Variants in KCNQ1 observed in about 807,000 individuals in gnomAD.
KCNQ1 encodes potassium voltage-gated channel subfamily Q member 1, also known as potassium voltage-gated channel subfamily KQT member 1.
A neutral mutation model predicts 72.4 loss-of-function variants in KCNQ1; 49 were observed. That is an observed-to-expected ratio of 0.68 (90% CI 0.54 to 0.86). The LOEUF (loss-of-function observed/expected upper bound fraction) is 0.86, where lower values mean the gene tolerates loss of function less well. KCNQ1 is among the 40% of genes least tolerant of loss of function. KCNQ1 has a pLI of 0.00. For missense variants in KCNQ1, 790 were observed against 945.1 expected, an observed-to-expected ratio of 0.84 and a Z score of 2.15; for synonymous variants, 450 against 412.6, an observed-to-expected ratio of 1.09 and a Z score of -1.10.
intron 2 of KCNQ1, among the ~76,000 whole-genome samples, chr11:2,533,642 A>C (rs958685457): frequency 2.0e-5 from 3 of 152,202 alleles, no homozygotes. Context: ...CGTGTGTCTG[A>C]CGTGTGTGTG....
intron 15 of KCNQ1, among the ~76,000 whole-genome samples, chr11:2,797,275 C>A (rs1847157075): frequency 6.6e-6 from 1 of 152,322 alleles, no homozygotes; most frequent in Admixed American, 6.5e-5. Flanking sequence ...CCAGAGACAG[C>A]CAGCCAGGAA....
In KCNQ1 at chr11:2,620,210, TA is replaced by T. The variant is rs1436044990; in HGVS notation, c.1393+31357del. The T allele has an allele frequency of 1.5e-3, 453 of 300,308 alleles. 2 individuals are homozygous for T. The highest frequency in any genetic ancestry group is 2.4e-3 in the South Asian group (14 of 5,832). The allele number at this position is 300,308 out of a possible 1,614,324, so 18.6% of individuals were successfully genotyped here. ...GTAAGTTCATTCATGTATATATATATATTTTTTTTTTTTATTTTTTTTTTAG... is the reference window on the plus strand; with the variant it reads ...GTAAGTTCATTCATGTATATATATATTTTTTTTTTTTTATTTTTTTTTTAG... On this transcript the variant is annotated intron_variant, in intron 10 of 15. Coordinates refer to ENST00000155840, the MANE Select transcript of KCNQ1 (RefSeq NM_000218.3). This position sits in a 1 kb window ranked among gnomAD's most constrained non-coding sequence, Gnocchi z 4.5.
At chr11:2,618,236 G>T (rs563743131) in intron 10 of KCNQ1, 1 of 398,374 alleles carries the variant, frequency 2.5e-6, no homozygotes, top group African/African-American at 2.1e-5. Context: ...TTGGCTTCCC[G>T]GGGCCACACT....
chr11:2,627,478 A>G lies in KCNQ1; in HGVS notation c.1394-34483A>G, dbSNP rs1023723996. ...TTTCCCCTACTCCCTGACCCCTAGTAACCACCCTTCTACTCTCCGTTTCTC... is the reference window on the plus strand; with the variant it reads ...TTTCCCCTACTCCCTGACCCCTAGTGACCACCCTTCTACTCTCCGTTTCTC... On this transcript the variant is annotated intron_variant, in intron 10 of 15. Transcript: ENST00000155840. The surrounding 1 kb of genome is among the most constrained non-coding windows in gnomAD (Gnocchi z 4.9). The G allele has an allele frequency of 7.5e-6, 3 of 398,410 alleles. No individual in the cohort carries two copies. The highest frequency in any genetic ancestry group is 1.3e-5 in the Non-Finnish European group (3 of 226,056). 24.7% of individuals were successfully genotyped at this position (398,410 alleles called of 1,614,324 possible). A position where few individuals can be genotyped will look rare whatever the true frequency, so the allele number is the denominator to read the frequency against.
At chr11:2,835,220 G>A (rs540206321) in intron 15 of KCNQ1, among the ~76,000 whole-genome samples, 59 of 152,218 alleles carry the variant, frequency 3.9e-4, no homozygotes, top group Non-Finnish European at 7.4e-4. Context: ...GCACCTGGAG[G>A]GTGGGCAGGG....
chr11:2,813,154 C>A lies in KCNQ1; in HGVS notation c.1795-34613C>A, dbSNP rs1847527719. Among the ~76,000 whole-genome samples the A allele has an allele frequency of 6.6e-6, 1 of 152,218 alleles. No homozygotes were observed. Among genetic ancestry groups the A allele is most frequent in the Non-Finnish European group, 1.5e-5 (1 of 68,036 alleles). ...AGGAAGAACCCGACAGACTGTGAGC[C>A]CTGTCTTCCTCTTGGCACCATGAGT... On this transcript the variant is annotated intron_variant, in intron 15 of 15. Coordinates refer to ENST00000155840, the MANE Select transcript of KCNQ1 (RefSeq NM_000218.3). The surrounding 1 kb of genome is among the most constrained non-coding windows in gnomAD (Gnocchi z 4.4).
Position 2,541,801 on chromosome 11 carries a change from T to G in KCNQ1, c.477+13783T>G, listed in dbSNP as rs529075591. Among the ~76,000 whole-genome samples, 40 of 152,192 alleles carry G rather than the reference T, an allele frequency of 2.6e-4. No individual in the cohort carries two copies. Among genetic ancestry groups the G allele is most frequent in the African/African-American group, 8.2e-4 (34 of 41,520 alleles). On this transcript the variant is annotated intron_variant, in intron 2 of 15. Transcript: ENST00000155840. This position sits in a 1 kb window ranked among gnomAD's most constrained non-coding sequence, Gnocchi z 4.8. ...CTCATCCCGGGAGTTTGTAAGAATT[T>G]GTAGTTTCTCCCCAGAGTTCATGGA...
rs980525342 is a variant in KCNQ1 at position 2,648,771 on chromosome 11, C to T, written c.1394-13190C>T. On this transcript the variant is annotated intron_variant, in intron 10 of 15. Coordinates refer to ENST00000155840, the MANE Select transcript of KCNQ1 (RefSeq NM_000218.3). ...TAATATTTCCTTGTTGATATTTTTCCATCCAAATGAATTGTCCAATGCTGA... is the reference window on the plus strand; with the variant it reads ...TAATATTTCCTTGTTGATATTTTTCTATCCAAATGAATTGTCCAATGCTGA... The T allele has an allele frequency of 7.5e-6, 3 of 398,414 alleles. No individual in the cohort carries two copies. In the East Asian group the frequency reaches 1.1e-4, roughly 14 times the overall value. 24.7% of individuals were successfully genotyped at this position (398,414 alleles called of 1,614,324 possible). A position where few individuals can be genotyped will look rare whatever the true frequency, so the allele number is the denominator to read the frequency against.
At chr11:2,686,366 C>T (rs1449322687) in intron 11 of KCNQ1, 1 of 398,582 alleles carries the variant, frequency 2.5e-6, no homozygotes, top group African/African-American at 2.1e-5. Context: ...CTCACTTGGG[C>T]TTATCAGCAG....
rs1846617043 is a variant in KCNQ1 at position 2,479,131 on chromosome 11, C to T, written c.386+33647C>T. ...TGGCTTTGCAGGGTACAGCCTCCCT[C>T]CTGGCTGCTTTCACAGGCTGGCATT... On this transcript the variant is annotated intron_variant, in intron 1 of 15. Coordinates refer to ENST00000155840, the MANE Select transcript of KCNQ1 (RefSeq NM_000218.3). The surrounding 1 kb of genome is among the most constrained non-coding windows in gnomAD (Gnocchi z 4.6). Among the ~76,000 whole-genome samples, 1 of 152,204 alleles carries T rather than the reference C, an allele frequency of 6.6e-6. No homozygotes were observed. Among genetic ancestry groups the T allele is most frequent in the South Asian group, 2.1e-4 (1 of 4,832 alleles).
rs1345681992 is a variant in KCNQ1 at position 2,815,108 on chromosome 11, T to C, written c.1795-32659T>C. ...GCACCATGCTGGGTGCTTCCTGTGC[T>C]CTCAACAGCCTTATGTGGTCAGTAC... On this transcript the variant is annotated intron_variant, in intron 15 of 15. Transcript: ENST00000155840. This position sits in a 1 kb window ranked among gnomAD's most constrained non-coding sequence, Gnocchi z 5.4. 6.6e-6 allele frequency among the ~76,000 whole-genome samples: 1 copy of C among 152,240 alleles called. No homozygotes were observed. The highest frequency in any genetic ancestry group is 1.9e-4 in the East Asian group (1 of 5,202).
chr11:2,572,008 C>G lies in KCNQ1; in HGVS notation c.684-5C>G. On this transcript the variant is annotated splice_region_variant and splice_polypyrimidine_tract_variant and intron_variant, in intron 4 of 15. Transcript: ENST00000155840. ...TCCCTCAGCCCCACACCATCTCCTTCGCAGGGGCATCCGCTTCCTGCAGAT... is the reference window on the plus strand; with the variant it reads ...TCCCTCAGCCCCACACCATCTCCTTGGCAGGGGCATCCGCTTCCTGCAGAT... The G allele has an allele frequency of 1.2e-6, 2 of 1,611,042 alleles. No homozygotes were observed. The highest frequency in any genetic ancestry group is 8.5e-7 in the Non-Finnish European group (1 of 1,178,796).
intron 10 of KCNQ1, chr11:2,618,042 T>G (rs1444745847): frequency 2.0e-5 from 8 of 398,468 alleles, no homozygotes; most frequent in Non-Finnish European, 3.1e-5. Flanking sequence ...AGTTTGATGG[T>G]ATACCAATTA....
chr11:2,709,493 A>T (rs758072526), intron 11 of KCNQ1, among the ~76,000 whole-genome samples: 7 of 152,028 alleles, frequency 4.6e-5, no homozygotes, highest in Non-Finnish European at 1.0e-4. Context: ...TAAAATTCAC[A>T]TACCATACAA....
intron 2 of KCNQ1, among the ~76,000 whole-genome samples, chr11:2,557,783 A>G (rs1848094422): frequency 6.6e-6 from 1 of 152,248 alleles, no homozygotes; most frequent in African/African-American, 2.4e-5. Flanking sequence ...TGCAGGTGTC[A>G]CAGAGCCCAG....
chr11:2,751,685 G>A (rs941475735), intron 11 of KCNQ1, among the ~76,000 whole-genome samples: 9 of 152,250 alleles, frequency 5.9e-5, no homozygotes, highest in African/African-American at 1.2e-4. Flanking sequence ...TGAGCGTAGC[G>A]TTACCATGGT....
Position 2,507,625 on chromosome 11 carries a change from G to T in KCNQ1, c.387-20303G>T, listed in dbSNP as rs868163562. On this transcript the variant is annotated intron_variant, in intron 1 of 15. Coordinates refer to ENST00000155840, the MANE Select transcript of KCNQ1 (RefSeq NM_000218.3). This position sits in a 1 kb window ranked among gnomAD's most constrained non-coding sequence, Gnocchi z 5.4. ...GCTGGGGACATGTTATTTTGGAGGT[G>T]TTTGTGAGGCAGCCAGGTGAGGTGG... Among the ~76,000 whole-genome samples, 6 of 152,188 alleles carry T rather than the reference G, an allele frequency of 3.9e-5. No homozygotes were observed. Among genetic ancestry groups the T allele is most frequent in the African/African-American group, 1.4e-4 (6 of 41,438 alleles).
At chr11:2,672,336 T>C (rs1590022337) in intron 11 of KCNQ1, 1 of 398,536 alleles carries the variant, frequency 2.5e-6, no homozygotes. Flanking sequence ...GTGTGGTGGG[T>C]GCAGAAGCAG....
rs1590012424 is a variant in KCNQ1 at position 2,659,212 on chromosome 11, A to G, written c.1394-2749A>G. ...GTGTCCACAATCCAGTATCATTCAC[A>G]GAAGTTCCATACCCCTAAAAATACC... is the stretch of plus-strand genomic sequence containing the variant. On this transcript the variant is annotated intron_variant, in intron 10 of 15. Coordinates refer to ENST00000155840, the MANE Select transcript of KCNQ1 (RefSeq NM_000218.3). The surrounding 1 kb of genome is among the most constrained non-coding windows in gnomAD (Gnocchi z 4.3). 1 of 398,656 alleles carries G rather than the reference A, an allele frequency of 2.5e-6. No homozygotes were observed. The highest frequency in any genetic ancestry group is 3.6e-5 in the East Asian group (1 of 28,076). 24.7% of individuals were successfully genotyped at this position (398,656 alleles called of 1,614,324 possible). A position where few individuals can be genotyped will look rare whatever the true frequency, so the allele number is the denominator to read the frequency against.
Sources: allele counts gnomAD v4.1 joint callset (sites outside exome capture counted in the v4.1 genomes callset), GRCh38; gene constraint gnomAD v4.1.1; non-coding constraint Gnocchi (gnomAD v3.1); transcripts MANE v1.5; gene names NCBI Gene and HGNC (gene_info 2026-07-23, HGNC 2026-07-21).